The following ERI3 variants were observed in gnomAD, a reference collection of about 807,000 sequenced individuals.
The protein encoded by ERI3 is ERI1 exoribonuclease 3.
A neutral mutation model predicts 44.4 loss-of-function variants in ERI3; 18 were observed. The observed-to-expected ratio is 0.41, with a 90% CI of 0.28 to 0.60. The LOEUF is 0.60. ERI3 is among the 20% of genes least tolerant of loss of function. ERI3 has a pLI of 0.36. For missense variants in ERI3, 294 were observed against 435.5 expected, an observed-to-expected ratio of 0.68 and a Z score of 2.89; for synonymous variants, 183 against 164.8, an observed-to-expected ratio of 1.11 and a Z score of -0.84.
chr1:44,334,161 C>A (rs986857624), intron 3 of ERI3, among the ~76,000 whole-genome samples: 3 of 152,232 alleles, frequency 2.0e-5, no homozygotes, highest in African/African-American at 7.2e-5. Flanking sequence ...ATGGGGAGAG[C>A]TGTGCTGCAC....
chr1:44,320,541 A>G (rs371484146), intron 3 of ERI3, among the ~76,000 whole-genome samples: 2 of 152,336 alleles, frequency 1.3e-5, no homozygotes, highest in East Asian at 3.9e-4. Context: ...GCTCCTGGGA[A>G]GGGAGGAACG....
At chr1:44,231,356 G>C (rs146525891) in intron 8 of ERI3, among the ~76,000 whole-genome samples, 56 of 151,878 alleles carry the variant, frequency 3.7e-4, no homozygotes, top group African/African-American at 1.2e-3. Flanking sequence ...TGTCTCTCCT[G>C]TATTCACATT....
At chr1:44,300,862 C>T (rs1232341913) in intron 6 of ERI3, among the ~76,000 whole-genome samples, 38 of 152,140 alleles carry the variant, frequency 2.5e-4, no homozygotes. Context: ...ACGAGGCTAC[C>T]CCACCACCAC....
Position 44,354,914 on chromosome 1 carries a change from G to A in ERI3, c.113C>T (p.Pro38Leu), listed in dbSNP as rs766805002. ...PLTLPWTWMG[P>L]SWGQHPGHWG... ...CACCCCGGGGTGTTGCCCCCAACTCGGGCCCATCCAAGTCCAGGGGAGAGT... is the reference window on the plus strand; with the variant it reads ...CACCCCGGGGTGTTGCCCCCAACTCAGGCCCATCCAAGTCCAGGGGAGAGT... Residue 38 changes from proline (P) to leucine (L), a missense_variant, in exon 1 of 9, where the codon CCG (proline) becomes CTG (leucine). By Grantham distance (98) the Pro-to-Leu change is moderately conservative (BLOSUM62 -3). Around this residue, in one of 2 missense-constraint regions of ERI3, gnomAD observed 107 missense variants for 96.9 expected, o/e 1.10. Transcript: ENST00000372257. 3 of 1,319,624 alleles carry A rather than the reference G, an allele frequency of 2.3e-6. No individual in the cohort carries two copies. The highest frequency in any genetic ancestry group is 1.5e-5 in the African/African-American group (1 of 66,396). The allele number at this position is 1,319,624 out of a possible 1,614,324, so 81.7% of individuals were successfully genotyped here.
At chr1:44,323,838 A>T (rs1176686860) in intron 3 of ERI3, among the ~76,000 whole-genome samples, 1 of 152,236 alleles carries the variant, frequency 6.6e-6, no homozygotes, top group East Asian at 1.9e-4. Flanking sequence ...CCAAAATGGG[A>T]AAATGAGAAT....
intron 8 of ERI3, among the ~76,000 whole-genome samples, chr1:44,234,936 C>A (rs1200751080): frequency 6.6e-6 from 1 of 151,994 alleles, no homozygotes; most frequent in African/African-American, 2.4e-5. Flanking sequence ...AGCACAGTAC[C>A]AATGTTAATT....
rs77903736 is a variant in ERI3, at chr1:44,320,159, A to G, written c.490-415T>C. Among the ~76,000 whole-genome samples the G allele has an allele frequency of 1.1e-4, 16 of 152,352 alleles. No homozygotes were observed. The East Asian group carries it at 3.1e-3, about 29-fold the overall frequency. Reference sequence around the variant, plus strand: ...ATATAGACAACCAGCCATCAGACCAATGCATAGATTTCCTTGTATGAAGTT... The same window carrying G: ...ATATAGACAACCAGCCATCAGACCAGTGCATAGATTTCCTTGTATGAAGTT... On this transcript the variant is annotated intron_variant, in intron 3 of 8. Coordinates refer to ENST00000372257, the MANE Select transcript of ERI3 (RefSeq NM_024066.3).
At chr1:44,304,514 C>G (rs1309981241) in intron 6 of ERI3, among the ~76,000 whole-genome samples, 3 of 152,122 alleles carry the variant, frequency 2.0e-5, no homozygotes, top group Non-Finnish European at 2.9e-5. Context: ...TGAGCAATGC[C>G]AAGAGGACTC....
intron 8 of ERI3, among the ~76,000 whole-genome samples, chr1:44,227,552 T>C (rs1026342710): frequency 6.7e-6 from 1 of 148,974 alleles, no homozygotes; most frequent in Non-Finnish European, 1.5e-5. Context: ...GACATACTTA[T>C]ACTATATTTT....
intron 3 of ERI3, among the ~76,000 whole-genome samples, chr1:44,324,646 T>G (rs1487438763): frequency 1.3e-5 from 2 of 152,064 alleles, no homozygotes; most frequent in Non-Finnish European, 2.9e-5. Context: ...CACATCCGGC[T>G]AATTTTTTTG....
intron 7 of ERI3, among the ~76,000 whole-genome samples, chr1:44,279,575 T>C (rs1157570292): frequency 1.3e-5 from 2 of 152,158 alleles, no homozygotes; most frequent in African/African-American, 2.4e-5. Context: ...CCCACACCTA[T>C]GTACTTAACT....
At chr1:44,245,608 G>C (rs1644538665) in intron 8 of ERI3, among the ~76,000 whole-genome samples, 1 of 152,188 alleles carries the variant, frequency 6.6e-6, no homozygotes, top group Non-Finnish European at 1.5e-5. Context: ...GTCACTCAGA[G>C]CCTTGGGCTG....
chr1:44,259,258 G>A (rs1450363563), intron 7 of ERI3, among the ~76,000 whole-genome samples: 1 of 152,136 alleles, frequency 6.6e-6, no homozygotes, highest in Non-Finnish European at 1.5e-5. Context: ...GAACAGGTAA[G>A]TAGAAGCTGG....
intron 2 of ERI3, among the ~76,000 whole-genome samples, chr1:44,343,436 G>C (rs916190360): frequency 6.6e-6 from 1 of 152,146 alleles, no homozygotes; most frequent in African/African-American, 2.4e-5. Flanking sequence ...ATCACACGAC[G>C]AGAAGAACAA....
intron 7 of ERI3, among the ~76,000 whole-genome samples, chr1:44,270,307 G>A (rs981366047): frequency 6.6e-6 from 1 of 152,156 alleles, no homozygotes; most frequent in Non-Finnish European, 1.5e-5. Context: ...ATGCCTCTTA[G>A]TTTACTGAAG....
chr1:44,247,542 C>T (rs1053210856), intron 8 of ERI3, among the ~76,000 whole-genome samples: 8 of 152,216 alleles, frequency 5.3e-5, no homozygotes, highest in South Asian at 2.1e-4. Context: ...TCCCATTGAT[C>T]GTCCAGTTTA....
At chr1:44,260,852 A>G (rs1209946975) in intron 7 of ERI3, among the ~76,000 whole-genome samples, 1 of 151,756 alleles carries the variant, frequency 6.6e-6, no homozygotes, top group Non-Finnish European at 1.5e-5. Context: ...CTGCTAGGAC[A>G]CTACCTTCAG....
intron 2 of ERI3, among the ~76,000 whole-genome samples, chr1:44,345,046 G>A (rs1646757326): frequency 6.6e-6 from 1 of 152,196 alleles, no homozygotes; most frequent in African/African-American, 2.4e-5. Context: ...AATAACACAT[G>A]TGCCAAAACA....
chr1:44,329,159 C>T (rs940906720), intron 3 of ERI3, among the ~76,000 whole-genome samples: 19 of 152,198 alleles, frequency 1.2e-4, no homozygotes, highest in African/African-American at 4.6e-4. Context: ...GGTACCTCTC[C>T]TATGAGAAGA....
Sources: allele counts gnomAD v4.1 joint callset (sites outside exome capture counted in the v4.1 genomes callset), GRCh38; gene constraint gnomAD v4.1.1; regional missense constraint gnomAD v4.1.1; transcripts MANE v1.5; gene names NCBI Gene and HGNC (gene_info 2026-07-23, HGNC 2026-07-21).